The following LEMD3 variants were observed in gnomAD, a reference collection of about 807,000 sequenced individuals.
LEMD3 encodes the protein inner nuclear membrane protein Man1.
Under a neutral mutation model 95.2 loss-of-function variants are expected in LEMD3, and 33 were observed. That is an observed-to-expected ratio of 0.35 (90% CI 0.26 to 0.46). LEMD3 has a LOEUF of 0.46. Among genes scored for constraint, LEMD3 ranks in the 20% least tolerant of loss-of-function variants. LEMD3 has a pLI of 1.00. For synonymous variants in LEMD3, 525 were observed against 474.6 expected (o/e 1.11, Z -1.38); for missense variants, 1,210 against 1,192.8 (o/e 1.01, Z -0.21).
At chr12:65,205,160 A>C (rs1333754483) in intron 1 of LEMD3, among the ~76,000 whole-genome samples, 1 of 152,160 alleles carries the variant, frequency 6.6e-6, no homozygotes, top group Non-Finnish European at 1.5e-5. Flanking sequence ...ATGAGAACTC[A>C]CTATCATGAG....
In LEMD3 at chr12:65,186,607, A is replaced by G. The variant is rs1197145235; in HGVS notation, c.1522+15489A>G. Reference sequence around the variant, plus strand: ...GCATTTAAAAAAATAGGAGTATACTATGCTGCAAGGTTGGTTTAGATTGCT... The same window carrying G: ...GCATTTAAAAAAATAGGAGTATACTGTGCTGCAAGGTTGGTTTAGATTGCT... On this transcript the variant is annotated intron_variant, in intron 1 of 12. Coordinates refer to ENST00000308330, the MANE Select transcript of LEMD3 (RefSeq NM_014319.5). Among the ~76,000 whole-genome samples, 3 of 144,226 alleles carry G rather than the reference A, an allele frequency of 2.1e-5. No individual in the cohort carries two copies. The East Asian group carries it at 6.3e-4, about 30-fold the overall frequency. 94.6% of individuals were successfully genotyped at this position (144,226 alleles called of 152,430 possible).
chr12:65,243,342 C>A, intron 9 of LEMD3, 46 bp from the exon 10 acceptor site: 1 of 1,168,416 alleles, frequency 8.6e-7, no homozygotes, highest in Non-Finnish European at 1.3e-6. Flanking sequence ...TACCTTTCAA[C>A]AAACTAGAAC....
intron 3 of LEMD3, among the ~76,000 whole-genome samples, chr12:65,217,709 A>G (rs539762282): frequency 7.3e-4 from 111 of 152,354 alleles, no homozygotes; most frequent in African/African-American, 2.5e-3. Flanking sequence ...TTAAAAGAAA[A>G]GATAAATGTA....
chr12:65,195,783 T>C (rs1229657726), intron 1 of LEMD3, among the ~76,000 whole-genome samples: 3 of 152,158 alleles, frequency 2.0e-5, no homozygotes, highest in African/African-American at 7.2e-5. Flanking sequence ...GAATTCCTAG[T>C]GATTCAGTCC....
chr12:65,239,402 G>C (rs1870866050), intron 6 of LEMD3, among the ~76,000 whole-genome samples: 1 of 152,010 alleles, frequency 6.6e-6, no homozygotes. Flanking sequence ...TTTAAAATTA[G>C]ACAGGCATAG....
intron 8 of LEMD3, 75 bp from the exon 9 acceptor site, chr12:65,240,834 T>A: frequency 7.7e-7 from 1 of 1,295,842 alleles, no homozygotes; most frequent in South Asian, 1.2e-5. Flanking sequence ...AGTTAACTAT[T>A]ACCTCAGATA....
At chr12:65,226,162 T>C (rs1376224973) in intron 4 of LEMD3, among the ~76,000 whole-genome samples, 4 of 152,212 alleles carry the variant, frequency 2.6e-5, no homozygotes, top group Non-Finnish European at 5.9e-5. Context: ...AACTATTAGA[T>C]TCAGACATGA....
rs373975270 is a variant in LEMD3 at position 65,240,219 on chromosome 12, T to C, written c.2107T>C (p.Leu703=). The C allele has an allele frequency of 5.0e-6, 8 of 1,612,470 alleles. No homozygotes were observed. Among genetic ancestry groups the C allele is most frequent in the African/African-American group, 1.3e-5 (1 of 74,900 alleles). ...YMPIPHVRDS[L]IQPHDRKKMK... ...GCCTATTCCACATGTACGCGATTCC[T>C]TAATACAGCCTCATGACAGGTGTGT... The change falls in exon 8 of 13, where the codon TTA becomes CTA. Residue 703 remains leucine (L), a synonymous_variant. Coordinates refer to ENST00000308330, the MANE Select transcript of LEMD3 (RefSeq NM_014319.5).
In LEMD3 at chr12:65,170,208, C is replaced by A; in HGVS notation, c.612C>A (p.Gly204=). Residue 204 remains glycine (G), a synonymous_variant, in exon 1 of 13, where the codon GGC becomes GGA. Coordinates refer to ENST00000308330, the MANE Select transcript of LEMD3 (RefSeq NM_014319.5). ...GGTGGGGGGCCAGGAGGCCGGCGGG[C>A]CCCGAGCTGCAGACCCCGCCGGGGA... ...HSWWGARRPA[G]PELQTPPGKD... 1 of 1,497,092 alleles carries A rather than the reference C, an allele frequency of 6.7e-7. No individual in the cohort carries two copies. The highest frequency in any genetic ancestry group is 8.9e-7 in the Non-Finnish European group (1 of 1,122,644). 92.7% of individuals were successfully genotyped at this position (1,497,092 alleles called of 1,614,324 possible).
chr12:65,241,192 C>T (rs1342819581), intron 9 of LEMD3, 105 bp downstream of exon 9: 2 of 936,010 alleles, frequency 2.1e-6, no homozygotes, highest in Non-Finnish European at 3.4e-6. Context: ...GAAGGCAAAA[C>T]TCTCTCGTTC....
At chr12:65,216,240 G>A (rs1870106837) in intron 3 of LEMD3, among the ~76,000 whole-genome samples, 197 bp downstream of exon 3, 1 of 151,518 alleles carries the variant, frequency 6.6e-6, no homozygotes, top group Non-Finnish European at 1.5e-5. Flanking sequence ...CCTGCCATCT[G>A]TATTAGAGGT....
intron 4 of LEMD3, among the ~76,000 whole-genome samples, chr12:65,234,229 T>C (rs1016780686): frequency 1.3e-5 from 2 of 152,118 alleles, no homozygotes; most frequent in African/African-American, 4.8e-5. Context: ...AGCTTGCTTT[T>C]AAAAAAGAAA....
intron 2 of LEMD3, 142 bp from the exon 3 acceptor site, chr12:65,215,835 C>G: frequency 4.0e-6 from 2 of 502,700 alleles, no homozygotes; most frequent in Non-Finnish European, 7.1e-6. Context: ...ATATGGTGCC[C>G]ATTACTTAAA....
chr12:65,227,540 ATATAACC>A (rs1180629915), intron 4 of LEMD3, among the ~76,000 whole-genome samples: 14 of 152,238 alleles, frequency 9.2e-5, no homozygotes, highest in Non-Finnish European at 1.9e-4. Context: ...TAGTATTTAC[ATATAACC>A]TATGCATATC....
At chr12:65,243,185 A>G (rs779232678) in intron 9 of LEMD3, among the ~76,000 whole-genome samples, 2 of 151,994 alleles carry the variant, frequency 1.3e-5, no homozygotes, top group African/African-American at 2.4e-5. Context: ...ACTTTCTTAC[A>G]TGACACTCTT....
rs17177865 is a variant in LEMD3, at chr12:65,245,624, C to T, written c.2388-45C>T. 40,842 of 1,321,100 alleles carry T rather than the reference C, an allele frequency of 0.031. 776 individuals carry two copies. The highest frequency in any genetic ancestry group is 0.055 in the Admixed American group (3,276 of 59,686). 81.8% of individuals were successfully genotyped at this position (1,321,100 alleles called of 1,614,324 possible). A position where few individuals can be genotyped will look rare whatever the true frequency, so the allele number is the denominator to read the frequency against. ...GTAAGAGACAGTGAAGAATTTTTACCGAGTAGGAATATGGTTGTTGATTTT... is the reference window on the plus strand; with the variant it reads ...GTAAGAGACAGTGAAGAATTTTTACTGAGTAGGAATATGGTTGTTGATTTT... On this transcript the variant is annotated intron_variant, in intron 10 of 12. Transcript: ENST00000308330.
At chr12:65,174,644 C>G (rs989496228) in intron 1 of LEMD3, among the ~76,000 whole-genome samples, 4 of 151,080 alleles carry the variant, frequency 2.6e-5, no homozygotes, top group South Asian at 2.1e-4. Flanking sequence ...AAATACATCT[C>G]TGTGTGTGTG....
At chr12:65,244,314 C>T (rs988532582) in intron 10 of LEMD3, among the ~76,000 whole-genome samples, 3 of 149,834 alleles carry the variant, frequency 2.0e-5, no homozygotes, top group Non-Finnish European at 3.0e-5. Flanking sequence ...AGACAAACAC[C>T]GCCTCTATTT....
chr12:65,171,335 T>A, intron 1 of LEMD3: 1 of 699,508 alleles, frequency 1.4e-6, no homozygotes, highest in East Asian at 3.1e-5. Context: ...TGATGTATTG[T>A]GAAATTCAAA....
Sources: allele counts gnomAD v4.1 joint callset (sites outside exome capture counted in the v4.1 genomes callset), GRCh38; gene constraint gnomAD v4.1.1; transcripts MANE v1.5; gene names NCBI Gene and HGNC (gene_info 2026-07-23, HGNC 2026-07-21).